The following KDM6A variants were observed in gnomAD, a reference collection of about 807,000 sequenced individuals.
The protein encoded by KDM6A is lysine-specific demethylase 6A.
Under a neutral mutation model 117.6 loss-of-function variants are expected in KDM6A, and 11 were observed. The observed-to-expected ratio is 0.09, with a 90% CI of 0.06 to 0.15. The LOEUF (loss-of-function observed/expected upper bound fraction) is 0.15, where lower values mean the gene tolerates loss of function less well. KDM6A is among the 10% of genes least tolerant of loss of function. KDM6A has a pLI of 1.00. For missense variants in KDM6A, 799 were observed against 1,077.3 expected (o/e 0.74, Z 3.62); for synonymous variants, 384 against 396.1 (o/e 0.97, Z 0.36).
intron 3 of KDM6A, among the ~76,000 whole-genome samples, chrX:44,968,289 T>C (rs1219524864): frequency 8.9e-6 from 1 of 112,724 alleles, no homozygotes; most frequent in Non-Finnish European, 1.9e-5. Context: ...TTCTGTAGAA[T>C]CTCACAGATA....
intron 4 of KDM6A, among the ~76,000 whole-genome samples, chrX:44,975,939 T>C (rs1462916460): frequency 1.8e-5 from 2 of 112,446 alleles, no homozygotes; most frequent in African/African-American, 6.5e-5. Context: ...GGGAGGATCC[T>C]GGCCTCTTCA....
At chrX:44,969,411 CTTTTTTTTTTTTT>C (rs11288771) in intron 3 of KDM6A, among the ~76,000 whole-genome samples, 5 of 35,982 alleles carry the variant, frequency 1.4e-4, no homozygotes, top group African/African-American at 4.1e-4. Context: ...CTCTTTTTAT[CTTTTTTTTTTTTT>C]TTTTTTTTTT....
At position 45,112,608 on chromosome X, in the gene KDM6A, T is replaced by C. The variant is rs1011277631; in HGVS notation, c.*1197T>C. Reference sequence around the variant, plus strand: ...ATAAACAATTGCTGCCAAAATGTAGTATAATAGTAGAAAACAAATAGTGAT... The same window carrying C: ...ATAAACAATTGCTGCCAAAATGTAGCATAATAGTAGAAAACAAATAGTGAT... On this transcript the variant is annotated 3_prime_UTR_variant, in exon 30 of 30. Transcript: ENST00000611820. 11 of 130,748 alleles carry C rather than the reference T, an allele frequency of 8.4e-5. No homozygotes were observed. Among genetic ancestry groups the C allele is most frequent in the Non-Finnish European group, 1.1e-4 (7 of 63,959 alleles). The allele number at this position is 130,748 out of a possible 1,213,427, so 10.8% of individuals were successfully genotyped here. A position where few individuals can be genotyped will look rare whatever the true frequency, so the allele number is the denominator to read the frequency against.
intron 2 of KDM6A, among the ~76,000 whole-genome samples, chrX:44,925,894 C>T (rs980259664): frequency 1.5e-4 from 17 of 111,574 alleles, no homozygotes; most frequent in Admixed American, 9.5e-4. Context: ...TTCAGAGTAA[C>T]GAAAATTAAA....
rs774338521 is a variant in KDM6A at position 44,971,897 on chromosome X, C to T, written c.335-2769C>T. Among the ~76,000 whole-genome samples the T allele has an allele frequency of 1.8e-3, 193 of 110,123 alleles. 2 individuals are homozygous for T. Among genetic ancestry groups the T allele is most frequent in the Middle Eastern group, 4.6e-3 (1 of 217 alleles). ...GTCTGATAAGTGAAGTCTGCTGGCT[C>T]CACTGGGGCGCCTGGATAAGAGCTT... On this transcript the variant is annotated intron_variant, in intron 3 of 29. Transcript: ENST00000611820.
intron 4 of KDM6A, among the ~76,000 whole-genome samples, chrX:44,987,572 T>A (rs2040304391): frequency 8.9e-6 from 1 of 112,044 alleles, no homozygotes; most frequent in East Asian, 2.8e-4. Flanking sequence ...TGTTCAGTGC[T>A]TCCTTCAGGA....
At chrX:45,069,059 T>C (rs752670747) in intron 17 of KDM6A, among the ~76,000 whole-genome samples, 9 of 111,442 alleles carry the variant, frequency 8.1e-5, no homozygotes, top group Admixed American at 4.8e-4. Flanking sequence ...TTTTGAAATA[T>C]TTTCATAGAT....
chrX:44,967,473 T>A (rs1191749164), intron 3 of KDM6A, among the ~76,000 whole-genome samples: 1 of 111,924 alleles, frequency 8.9e-6, no homozygotes, highest in African/African-American at 3.3e-5. Context: ...TGCTCAGGTA[T>A]ATGTACATAG....
chrX:44,921,881 A>G (rs2035956203), intron 2 of KDM6A, among the ~76,000 whole-genome samples: 1 of 108,327 alleles, frequency 9.2e-6, no homozygotes, highest in Admixed American at 1.0e-4. Flanking sequence ...AAGGAACTAC[A>G]AAATGATCTT....
At chrX:44,897,011 A>G (rs1428438293) in intron 2 of KDM6A, among the ~76,000 whole-genome samples, 1 of 110,312 alleles carries the variant, frequency 9.1e-6, no homozygotes, top group African/African-American at 3.3e-5. Flanking sequence ...TATTTCACCA[A>G]ATTTGGGAAG....
intron 2 of KDM6A, among the ~76,000 whole-genome samples, chrX:44,932,232 C>G (rs2036676793): frequency 9.5e-6 from 1 of 105,586 alleles, no homozygotes. Context: ...GTAGCTAAGA[C>G]TACAGGAGTG....
intron 2 of KDM6A, among the ~76,000 whole-genome samples, chrX:44,919,983 T>C (rs2035809068): frequency 8.9e-6 from 1 of 112,118 alleles, no homozygotes; most frequent in Admixed American, 9.4e-5. Context: ...ATCCAGATAT[T>C]TGGGGGGATT....
Position 45,089,832 on chromosome X carries a change from G to A in KDM6A, c.3794G>A (p.Arg1265Gln), listed in dbSNP as rs2148193885. The part of the protein sequence containing the change: ...ANVPVYRFIQ[R>Q]PGDLVWINAG... ...GTTCCAGTGTATAGGTTTATTCAGC[G>A]ACCTGGAGATTTGGTCTGGATAAAT... The change falls in exon 26 of 30, where the codon CGA becomes CAA. Residue 1265 changes from arginine (R) to glutamine (Q), a missense_variant. Physicochemically the swap from Arg to Gln is conservative, Grantham distance 43 (BLOSUM62 1). Transcript: ENST00000611820. The A allele has an allele frequency of 1.7e-6, 2 of 1,209,042 alleles. No individual in the cohort carries two copies. The highest frequency in any genetic ancestry group is 1.8e-5 in the South Asian group (1 of 56,834).
chrX:45,041,305 A>AC lies in KDM6A; in HGVS notation c.654+3623dup, dbSNP rs1425888758. Among the ~76,000 whole-genome samples, 5 of 53,132 alleles carry AC rather than the reference A, an allele frequency of 9.4e-5. 1 individual carries two copies. Among genetic ancestry groups the AC allele is most frequent in the Admixed American group, 2.2e-4 (1 of 4,523 alleles). The allele number at this position is 53,132 out of a possible 115,157, so 46.1% of individuals were successfully genotyped here. ...GGGCAGCTGGCCGGGCGGGGGGCTG[A>AC]CCCCCCCACCTCCCTCCTGGACGGG... On this transcript the variant is annotated intron_variant, in intron 8 of 29. Transcript: ENST00000611820.
chrX:44,881,992 AT>A (rs1485610340), intron 2 of KDM6A, among the ~76,000 whole-genome samples: 4 of 110,866 alleles, frequency 3.6e-5, no homozygotes. Flanking sequence ...CTGGCTGAGT[AT>A]TTTGCCTTTG....
chrX:45,070,469 A>T, intron 18 of KDM6A, 112 bp downstream of exon 18: 1 of 675,025 alleles, frequency 1.5e-6, no homozygotes, highest in Non-Finnish European at 2.3e-6. Context: ...TGGTGTAGTC[A>T]TTCATCTAAG....
At chrX:44,983,361 G>A (rs1204575197) in intron 4 of KDM6A, among the ~76,000 whole-genome samples, 1 of 111,342 alleles carries the variant, frequency 9.0e-6, no homozygotes, top group Non-Finnish European at 1.9e-5. Flanking sequence ...TGTTGACAGG[G>A]TCTCTTTTGA....
chrX:44,883,825 C>T (rs1404813502), intron 2 of KDM6A, among the ~76,000 whole-genome samples: 9 of 111,063 alleles, frequency 8.1e-5, no homozygotes, highest in Admixed American at 9.7e-5. Flanking sequence ...ATAAACTGAG[C>T]GTGGAGGCTC....
chrX:45,083,065 A>C (rs1272080431), intron 23 of KDM6A, among the ~76,000 whole-genome samples: 1 of 110,416 alleles, frequency 9.1e-6, no homozygotes, highest in Non-Finnish European at 1.9e-5. Context: ...TGTTGGGGTT[A>C]CAGTTGTGAG....
Sources: allele counts gnomAD v4.1 joint callset (sites outside exome capture counted in the v4.1 genomes callset), GRCh38; gene constraint gnomAD v4.1.1; transcripts MANE v1.5; gene names NCBI Gene and HGNC (gene_info 2026-07-23, HGNC 2026-07-21).